SS18: variants seen among roughly 807,000 people sequenced by gnomAD.
The protein encoded by SS18 is protein SSXT.
A neutral mutation model predicts 72.5 loss-of-function variants in SS18; 28 were observed. The ratio of observed to expected loss-of-function variants is 0.39; its 90% confidence interval spans 0.29 to 0.53. The LOEUF is 0.53. Ranked by LOEUF, SS18 falls within the 20% of genes least tolerant of loss-of-function variation. The pLI is 0.76. For synonymous variants in SS18, 172 were observed against 164.2 expected (o/e 1.05, Z -0.37); for missense variants, 518 against 535.3 (o/e 0.97, Z 0.32).
chr18:26,052,991 A>G, intron 4 of SS18, 146 bp from the exon 5 acceptor site: 2 of 663,584 alleles, frequency 3.0e-6, no homozygotes, highest in Non-Finnish European at 5.1e-6. Context: ...TTATAGGAAA[A>G]GACAGCAAAT....
rs774497124 is a variant in SS18 at position 26,035,139 on chromosome 18, T to C, written c.974-12A>G. The C allele has an allele frequency of 1.2e-6, 2 of 1,611,424 alleles. No homozygotes were observed. The highest frequency in any genetic ancestry group is 8.5e-7 in the Non-Finnish European group (1 of 1,178,620). The stretch of plus-strand genomic sequence containing the variant: ...ATACTGTGAATTTCCTACAGGATAA[T>C]TGGAGAAGAGGAAAAAAAACTGAGA... On this transcript the variant is annotated splice_polypyrimidine_tract_variant and intron_variant, in intron 8 of 10. Coordinates refer to ENST00000415083, the MANE Select transcript of SS18 (RefSeq NM_001007559.3). This position sits in a 1 kb window ranked among gnomAD's most constrained non-coding sequence, Gnocchi z 4.4.
chr18:26,076,271 G>GA (rs1002567461), intron 3 of SS18, among the ~76,000 whole-genome samples: 69 of 138,826 alleles, frequency 5.0e-4, no homozygotes, highest in Middle Eastern at 3.5e-3. Context: ...GATATTCTTG[G>GA]AAAAAAAAAA....
chr18:26,077,848 G>A (rs2054444893), intron 3 of SS18, among the ~76,000 whole-genome samples: 1 of 152,004 alleles, frequency 6.6e-6, no homozygotes, highest in Non-Finnish European at 1.5e-5. Flanking sequence ...TAGGTAGGTA[G>A]GTAAACAGGT....
At chr18:26,071,600 G>A (rs2054310557) in intron 3 of SS18, among the ~76,000 whole-genome samples, 1 of 152,152 alleles carries the variant, frequency 6.6e-6, no homozygotes, top group Admixed American at 6.5e-5. Context: ...GGAGGCCAAG[G>A]CAGGAGAATC....
At chr18:26,062,705 T>C (rs1276173726) in intron 3 of SS18, among the ~76,000 whole-genome samples, 3 of 152,086 alleles carry the variant, frequency 2.0e-5, no homozygotes, top group Non-Finnish European at 4.4e-5. Flanking sequence ...GAAAAAGATA[T>C]CATGCAAATA....
chr18:26,027,920 C>G (rs945370585), intron 10 of SS18, among the ~76,000 whole-genome samples: 2 of 151,702 alleles, frequency 1.3e-5, no homozygotes, highest in African/African-American at 4.8e-5. Context: ...ACACATGATC[C>G]CAAAAGCATA....
chr18:26,066,619 C>A (rs2054224021), intron 3 of SS18, among the ~76,000 whole-genome samples: 1 of 151,930 alleles, frequency 6.6e-6, no homozygotes, highest in South Asian at 2.1e-4. Context: ...CACACACACA[C>A]ACACACACAC....
intron 3 of SS18, among the ~76,000 whole-genome samples, chr18:26,072,182 C>A (rs1242751305): frequency 6.6e-6 from 1 of 151,756 alleles, no homozygotes; most frequent in Non-Finnish European, 1.5e-5. Context: ...ATTTTATGGT[C>A]CTTTGATTGG....
intron 3 of SS18, chr18:26,068,363 T>C (rs886183022): frequency 6.6e-6 from 1 of 152,204 alleles, no homozygotes; most frequent in Non-Finnish European, 1.5e-5. Context: ...TTGGCTTTTA[T>C]TGCATAAAAA....
chr18:26,055,888 G>T (rs950987974), intron 4 of SS18, among the ~76,000 whole-genome samples: 10 of 151,622 alleles, frequency 6.6e-5, no homozygotes, highest in African/African-American at 2.4e-4. Context: ...CTCCTGAGTA[G>T]CTGGGATTAC....
intron 5 of SS18, among the ~76,000 whole-genome samples, chr18:26,040,626 G>A (rs2053706407): frequency 6.6e-6 from 1 of 152,082 alleles, no homozygotes; most frequent in Admixed American, 6.6e-5. Context: ...ATATATTACT[G>A]ACTTACAACA....
intron 2 of SS18, among the ~76,000 whole-genome samples, chr18:26,083,677 A>C (rs544133974): frequency 6.6e-6 from 1 of 152,304 alleles, no homozygotes; most frequent in African/African-American, 2.4e-5. Context: ...TTATAATCTT[A>C]TGGGTATTAT....
chr18:26,068,743 A>T (rs2054262484), intron 3 of SS18, among the ~76,000 whole-genome samples: 1 of 152,214 alleles, frequency 6.6e-6, no homozygotes, highest in South Asian at 2.1e-4. Context: ...GTTACCAAAA[A>T]AAATGCAACT....
At chr18:26,090,739 A>AG, upstream of SS18, 1 of 667,984 alleles carries the variant, frequency 1.5e-6, no homozygotes, top group Non-Finnish European at 2.5e-6. Flanking sequence ...CACTCTGGCC[A>AG]GGGATGTCTC....
chr18:26,073,961 A>G (rs181583028), intron 3 of SS18, among the ~76,000 whole-genome samples: 2 of 152,292 alleles, frequency 1.3e-5, no homozygotes, highest in Admixed American at 6.5e-5. Flanking sequence ...AAATCAACTA[A>G]TAACATTTGT....
At chr18:26,082,144 A>C (rs1486791244) in intron 2 of SS18, among the ~76,000 whole-genome samples, 1 of 152,184 alleles carries the variant, frequency 6.6e-6, no homozygotes, top group East Asian at 1.9e-4. Context: ...AAATATATTT[A>C]GTATTTTATT....
chr18:26,060,955 C>CAAA (rs768913124), intron 3 of SS18, among the ~76,000 whole-genome samples: 25 of 91,790 alleles, frequency 2.7e-4, no homozygotes, highest in African/African-American at 8.0e-4. Flanking sequence ...AACTTTGTCT[C>CAAA]AAAAAAAAAA....
In SS18 at chr18:26,090,610, G is replaced by A. The variant is rs1402080521; in HGVS notation, c.-41C>T. On this transcript the variant is annotated 5_prime_UTR_variant, in exon 1 of 11. Coordinates refer to ENST00000415083, the MANE Select transcript of SS18 (RefSeq NM_001007559.3). Reference sequence around the variant, plus strand: ...ACTATCGGCAAGTCCCGAGCGCTCCGGGTGAACGGCAAACTGGGGGAGAGA... The same window carrying A: ...ACTATCGGCAAGTCCCGAGCGCTCCAGGTGAACGGCAAACTGGGGGAGAGA... The A allele has an allele frequency of 2.6e-6, 4 of 1,547,766 alleles. No individual in the cohort carries two copies. The highest frequency in any genetic ancestry group is 2.4e-5 in the South Asian group (2 of 84,082).
chr18:26,084,906 T>C (rs1421345779), intron 2 of SS18, among the ~76,000 whole-genome samples: 1 of 152,176 alleles, frequency 6.6e-6, no homozygotes, highest in Non-Finnish European at 1.5e-5. Context: ...GCCCTAAATA[T>C]TAGATAATAG....
Sources: allele counts gnomAD v4.1 joint callset (sites outside exome capture counted in the v4.1 genomes callset), GRCh38; gene constraint gnomAD v4.1.1; non-coding constraint Gnocchi (gnomAD v3.1); transcripts MANE v1.5; gene names NCBI Gene and HGNC (gene_info 2026-07-23, HGNC 2026-07-21).